The following GABRG3 variants were observed in gnomAD, a reference collection of about 807,000 sequenced individuals.
GABRG3 encodes gamma-aminobutyric acid receptor subunit gamma-3.
GABRG3 carries 25 observed loss-of-function variants against 48.8 expected under a neutral mutation model. That is an observed-to-expected ratio of 0.51 (90% confidence interval 0.37 to 0.72). The LOEUF is 0.72. Among genes scored for constraint, GABRG3 ranks in the 30% least tolerant of loss-of-function variants. GABRG3 has a pLI of 0.00. For synonymous variants in GABRG3, 227 were observed against 217.6 expected (o/e 1.04, Z -0.38); for missense variants, 394 against 577.9 (o/e 0.68, Z 3.26).
In GABRG3 at chr15:27,248,803, C is replaced by CACAGAGAG. The variant is rs1377080195; in HGVS notation, c.271-78005_271-78004insCAGAGAGA. On this transcript the variant is annotated intron_variant, in intron 3 of 9. Transcript: ENST00000615808. The stretch of plus-strand genomic sequence containing the variant: ...ACACACACACACACACACACACACA[C>CACAGAGAG]AGAGAGAGAGAGAGAGAGAGAGAGA... Among the ~76,000 whole-genome samples, 34 of 110,238 alleles carry CACAGAGAG rather than the reference C, an allele frequency of 3.1e-4. 1 individual carries two copies. Among genetic ancestry groups the CACAGAGAG allele is most frequent in the African/African-American group, 1.2e-3 (31 of 25,656 alleles). The allele number at this position is 110,238 out of a possible 152,430, so 72.3% of individuals were successfully genotyped here.
intron 3 of GABRG3, among the ~76,000 whole-genome samples, chr15:27,043,258 G>C (rs1156720839): frequency 6.6e-6 from 1 of 152,174 alleles, no homozygotes; most frequent in Non-Finnish European, 1.5e-5. Flanking sequence ...CTGTTGCTTT[G>C]ATGTAAATAT....
intron 3 of GABRG3, among the ~76,000 whole-genome samples, chr15:27,056,494 A>T (rs1384015187): frequency 1.3e-5 from 2 of 152,174 alleles, no homozygotes; most frequent in Non-Finnish European, 1.5e-5. Context: ...AATTTGCAAG[A>T]ATGTTCTAAA....
chr15:27,140,571 A>T (rs1283185913), intron 3 of GABRG3, among the ~76,000 whole-genome samples: 2 of 152,220 alleles, frequency 1.3e-5, no homozygotes, highest in South Asian at 4.1e-4. Flanking sequence ...TCTGTTTATT[A>T]GTCCTTTAGG....
At position 27,319,866 on chromosome 15, in the gene GABRG3, A is replaced by G. The variant is rs1276558835; in HGVS notation, c.271-6943A>G. On this transcript the variant is annotated intron_variant, in intron 3 of 9. Coordinates refer to ENST00000615808, the MANE Select transcript of GABRG3 (RefSeq NM_033223.5). This position sits in a 1 kb window ranked among gnomAD's most constrained non-coding sequence, Gnocchi z 4.4. ...TTAATAGCAGCATATATGGTTGAAT[A>G]TAGTTGGAGAATATAGCATTCAATG... Among the ~76,000 whole-genome samples, 1 of 152,188 alleles carries G rather than the reference A, an allele frequency of 6.6e-6. No individual in the cohort carries two copies. The highest frequency in any genetic ancestry group is 6.5e-5 in the Admixed American group (1 of 15,272).
chr15:27,509,509 G>T (rs901736851), intron 6 of GABRG3, among the ~76,000 whole-genome samples: 20 of 151,898 alleles, frequency 1.3e-4, no homozygotes, highest in African/African-American at 4.8e-4. Flanking sequence ...CACAGCTCTT[G>T]GTTTCTCTGT....
chr15:27,034,757 A>G (rs983627056), intron 3 of GABRG3, among the ~76,000 whole-genome samples: 2 of 152,164 alleles, frequency 1.3e-5, no homozygotes, highest in East Asian at 1.9e-4. Flanking sequence ...GCCCTTGTAA[A>G]TATGTGTCAA....
At chr15:27,388,576 C>T (rs2140573779) in intron 5 of GABRG3, among the ~76,000 whole-genome samples, 1 of 152,222 alleles carries the variant, frequency 6.6e-6, no homozygotes, top group Non-Finnish European at 1.5e-5. Flanking sequence ...CAGAATCGGT[C>T]CTTGGCAATG....
At chr15:27,117,202 T>G (rs745512818) in intron 3 of GABRG3, among the ~76,000 whole-genome samples, 2 of 152,204 alleles carry the variant, frequency 1.3e-5, no homozygotes, top group Non-Finnish European at 2.9e-5. Context: ...TACCTTGAAC[T>G]CCCTTTTTAA....
Position 27,527,592 on chromosome 15 carries a change from G to T in GABRG3, c.1025G>T (p.Ser342Ile). ...TATGCCACCCTCAACTACTATTCCA[G>T]CTGTAGAAAACCAACCACCACGAAG... Reference protein sequence around the residue: ...MEYATLNYYSSCRKPTTTKKT... With the variant: ...MEYATLNYYSICRKPTTTKKT... The change falls in exon 8 of 10, where the codon AGC (serine) becomes ATC (isoleucine). Residue 342 changes from serine to isoleucine, a missense_variant. Physicochemically the swap from Ser to Ile is moderately radical, Grantham distance 142. Transcript: ENST00000615808. 1 of 1,613,072 alleles carries T rather than the reference G, an allele frequency of 6.2e-7. No homozygotes were observed. The highest frequency in any genetic ancestry group is 8.5e-7 in the Non-Finnish European group (1 of 1,179,454).
At chr15:27,200,301 C>T (rs1721990036) in intron 3 of GABRG3, among the ~76,000 whole-genome samples, 1 of 152,204 alleles carries the variant, frequency 6.6e-6, no homozygotes. Flanking sequence ...CCTAAATCTT[C>T]TGTCTATTAC....
chr15:27,455,504 TGC>T, intron 5 of GABRG3, among the ~76,000 whole-genome samples: 2 of 151,474 alleles, frequency 1.3e-5, no homozygotes, highest in South Asian at 4.2e-4. Flanking sequence ...TGTGTGTGTG[TGC>T]ATTTGTGTAT....
intron 5 of GABRG3, among the ~76,000 whole-genome samples, chr15:27,441,800 A>C (rs1566842447): frequency 6.6e-6 from 1 of 152,084 alleles, no homozygotes; most frequent in East Asian, 1.9e-4. Flanking sequence ...AGTTGTTCCC[A>C]TGACACTCAC....
chr15:27,188,452 TTG>T (rs1299645290), intron 3 of GABRG3, among the ~76,000 whole-genome samples: 1 of 152,216 alleles, frequency 6.6e-6, no homozygotes, highest in Admixed American at 6.5e-5. Flanking sequence ...CATTGTGGTT[TTG>T]ATTTGCATTT....
chr15:27,489,405 T>C (rs1198008393), intron 6 of GABRG3, among the ~76,000 whole-genome samples: 2 of 152,214 alleles, frequency 1.3e-5, no homozygotes, highest in Non-Finnish European at 2.9e-5. Context: ...GTTACGGGAT[T>C]GCTGGATCAA....
intron 3 of GABRG3, among the ~76,000 whole-genome samples, chr15:27,068,468 T>C (rs1463313437): frequency 6.6e-6 from 1 of 152,258 alleles, no homozygotes; most frequent in East Asian, 1.9e-4. Flanking sequence ...GGCAGCGGTC[T>C]GGCTGCAGGT....
chr15:27,295,248 A>G (rs1891941765), intron 3 of GABRG3: 1 of 152,174 alleles, frequency 6.6e-6, no homozygotes, highest in Non-Finnish European at 1.5e-5. Context: ...CCAGTTCTTA[A>G]TGTTAGAATG....
intron 3 of GABRG3, among the ~76,000 whole-genome samples, chr15:27,202,884 T>C (rs561674674): frequency 6.6e-6 from 1 of 152,322 alleles, no homozygotes; most frequent in East Asian, 1.9e-4. Context: ...TTTTAGTTTT[T>C]ATGTGGTAAA....
chr15:27,302,816 A>C (rs1218866758), intron 3 of GABRG3, among the ~76,000 whole-genome samples: 1 of 152,022 alleles, frequency 6.6e-6, no homozygotes, highest in East Asian at 1.9e-4. Context: ...AATCAATATC[A>C]GAAACACAAC....
At chr15:27,401,867 A>T (rs1363316051) in intron 5 of GABRG3, among the ~76,000 whole-genome samples, 1 of 152,206 alleles carries the variant, frequency 6.6e-6, no homozygotes, top group Non-Finnish European at 1.5e-5. Context: ...GAGGAGAATC[A>T]TGTCTTTTCA....
Sources: gnomAD v4.1 joint callset for allele counts (sites outside exome capture counted in the v4.1 genomes callset) on GRCh38, gnomAD v4.1.1 for gene constraint, Gnocchi (gnomAD v3.1) non-coding constraint, MANE v1.5 for transcripts, NCBI Gene and HGNC (gene_info 2026-07-23, HGNC 2026-07-21) for gene names.